IFT80: variants seen among roughly 807,000 people sequenced by gnomAD.
IFT80 encodes the protein intraflagellar transport protein 80 homolog.
A neutral mutation model predicts 107.9 loss-of-function variants in IFT80; 79 were observed. That is an observed-to-expected ratio of 0.73 (90% CI 0.61 to 0.88). IFT80 has a LOEUF of 0.88. Among genes scored for constraint, IFT80 ranks in the 40% least tolerant of loss-of-function variants. IFT80 has a pLI of 0.00. For missense variants in IFT80, 797 were observed against 914.2 expected (o/e 0.87, Z 1.65); for synonymous variants, 299 against 300.9 (o/e 0.99, Z 0.07).
chr3:160,279,333 A>C lies in IFT80; in HGVS notation c.1696T>G (p.Phe566Val). Residue 566 changes from phenylalanine (F) to valine (V), a missense_variant, in exon 16 of 20, where the codon TTT becomes GTT. Physicochemically the swap from Phe to Val is conservative, Grantham distance 50 (BLOSUM62 -1). Transcript: ENST00000326448. ...CTAATAGTTACTTGATTTCCAACAA[A>C]ACTCACAATATGGGGATTTTTACTA... Reference protein sequence around the residue: ...EFSKNPHIVSFVGNQVTIRRA... With the variant: ...EFSKNPHIVSVVGNQVTIRRA... 6.2e-7 allele frequency: 1 copy of C among 1,613,584 alleles called. No homozygotes were observed. Among genetic ancestry groups the C allele is most frequent in the Non-Finnish European group, 8.5e-7 (1 of 1,179,574 alleles).
chr3:160,339,719 A>G (rs1321246506), intron 8 of IFT80, among the ~76,000 whole-genome samples: 1 of 152,240 alleles, frequency 6.6e-6, no homozygotes, highest in Admixed American at 6.5e-5. Context: ...AAAAGTAATT[A>G]TAAAAGAAGT....
intron 4 of IFT80, 54 bp downstream of exon 4, chr3:160,377,376 G>A (rs1385944399): frequency 1.9e-6 from 2 of 1,040,796 alleles, no homozygotes; most frequent in Non-Finnish European, 3.0e-6. Context: ...CTGTTTCTTT[G>A]GAAATTTTTC....
chr3:160,319,063 G>A (rs975902792), intron 9 of IFT80, among the ~76,000 whole-genome samples: 4 of 151,960 alleles, frequency 2.6e-5, no homozygotes, highest in African/African-American at 9.7e-5. Context: ...CGCCACAACT[G>A]TCTACTCTTC....
chr3:160,386,008 C>T (rs1218451678), intron 1 of IFT80, among the ~76,000 whole-genome samples: 1 of 152,116 alleles, frequency 6.6e-6, no homozygotes, highest in Non-Finnish European at 1.5e-5. Context: ...TGATGTTATT[C>T]TACATCAGAA....
intron 1 of IFT80, chr3:160,391,793 C>T (rs1713403840): frequency 6.6e-6 from 1 of 152,250 alleles, no homozygotes; most frequent in Non-Finnish European, 1.5e-5. Flanking sequence ...GCCAAGATTT[C>T]TGACCTTGTG....
chr3:160,395,566 C>G (rs2108426978), intron 1 of IFT80, among the ~76,000 whole-genome samples: 1 of 152,308 alleles, frequency 6.6e-6, no homozygotes, highest in South Asian at 2.1e-4. Context: ...TGGCCCAGGA[C>G]TTTTATTCAA....
Position 160,357,554 on chromosome 3 carries a change from AAAT to A in IFT80, c.571_573del (p.Ile191del), listed in dbSNP as rs1272167119. ...TTGACCGAGTTCCAATCTACTTTTA[AAAT>A]AATGCCATCATGAGCTTTCCACTGT... On this transcript the variant is annotated inframe_deletion, in exon 7 of 20. Transcript: ENST00000326448. 6.3e-7 allele frequency: 1 copy of A among 1,598,628 alleles called. No homozygotes were observed. The highest frequency in any genetic ancestry group is 1.3e-5 in the African/African-American group (1 of 74,728).
At chr3:160,296,741 C>T (rs1307137185) in intron 12 of IFT80, among the ~76,000 whole-genome samples, 3 of 152,074 alleles carry the variant, frequency 2.0e-5, no homozygotes, top group Admixed American at 2.0e-4. Context: ...CACCAATGAC[C>T]CATATATTGC....
At chr3:160,387,179 T>C (rs1160547770) in intron 1 of IFT80, among the ~76,000 whole-genome samples, 1 of 152,218 alleles carries the variant, frequency 6.6e-6, no homozygotes, top group East Asian at 1.9e-4. Context: ...TGAGGAAAGA[T>C]TCCAGAAGAT....
chr3:160,354,533 G>A (rs944743256), intron 8 of IFT80, among the ~76,000 whole-genome samples: 1 of 152,082 alleles, frequency 6.6e-6, no homozygotes, highest in African/African-American at 2.4e-5. Context: ...AGTGCCTGTA[G>A]TCCCAGCTGC....
chr3:160,375,721 C>T, intron 5 of IFT80, 91 bp downstream of exon 5: 1 of 829,698 alleles, frequency 1.2e-6, no homozygotes, highest in East Asian at 2.6e-5. Context: ...TCAGTCTCAA[C>T]CACCGTATTA....
At chr3:160,368,379 ACCCT>A (rs1722015286) in intron 5 of IFT80, among the ~76,000 whole-genome samples, 1 of 138,764 alleles carries the variant, frequency 7.2e-6, no homozygotes, top group Admixed American at 7.1e-5. Flanking sequence ...AAAAAAAAAA[ACCCT>A]GAAACATGTC....
chr3:160,385,090 T>C (rs1247821130), intron 1 of IFT80, among the ~76,000 whole-genome samples: 1 of 152,176 alleles, frequency 6.6e-6, no homozygotes, highest in East Asian at 1.9e-4. Flanking sequence ...AGTGGCCCAA[T>C]CTGGGGTTGA....
chr3:160,376,353 TAGAG>T (rs1014201410), intron 4 of IFT80, among the ~76,000 whole-genome samples: 9 of 151,496 alleles, frequency 5.9e-5, no homozygotes, highest in African/African-American at 2.2e-4. Context: ...TAGTTGCAGG[TAGAG>T]AGAGCTGTTT....
chr3:160,291,027 A>G (rs1484400607), intron 12 of IFT80, among the ~76,000 whole-genome samples: 2 of 152,246 alleles, frequency 1.3e-5, no homozygotes, highest in Non-Finnish European at 2.9e-5. Context: ...ATGGGAATCA[A>G]TAAGATTACT....
intron 19 of IFT80, among the ~76,000 whole-genome samples, 164 bp downstream of exon 19, chr3:160,268,249 G>A (rs564220393): frequency 1.3e-5 from 2 of 152,166 alleles, no homozygotes; most frequent in African/African-American, 2.4e-5. Context: ...GAAAAATTTA[G>A]TACTATAATT....
intron 1 of IFT80, among the ~76,000 whole-genome samples, chr3:160,396,737 T>C (rs1156819481): frequency 6.6e-6 from 1 of 152,214 alleles, no homozygotes; most frequent in African/African-American, 2.4e-5. Context: ...GTAGGCCAGC[T>C]TCTCTTTGTA....
chr3:160,396,659 T>C (rs1713799696), intron 1 of IFT80, among the ~76,000 whole-genome samples: 1 of 152,204 alleles, frequency 6.6e-6, no homozygotes, highest in Non-Finnish European at 1.5e-5. Context: ...CAGATCATTT[T>C]AGACTAGGAA....
At chr3:160,326,640 ACT>A (rs746409182) in intron 8 of IFT80, among the ~76,000 whole-genome samples, 33 of 152,248 alleles carry the variant, frequency 2.2e-4, no homozygotes, top group Non-Finnish European at 4.3e-4. Flanking sequence ...CATGTTAAAA[ACT>A]CTCAATAAAC....
Sources: gnomAD v4.1 joint callset for allele counts (sites outside exome capture counted in the v4.1 genomes callset) on GRCh38, gnomAD v4.1.1 for gene constraint, MANE v1.5 for transcripts, NCBI Gene and HGNC (gene_info 2026-07-23, HGNC 2026-07-21) for gene names.